The following FADS2 variants were observed in gnomAD, a reference collection of about 807,000 sequenced individuals.
The protein encoded by FADS2 is acyl-CoA 6-desaturase.
Under a neutral mutation model 61.2 loss-of-function variants are expected in FADS2, and 18 were observed. The ratio of observed to expected loss-of-function variants is 0.29; its 90% CI spans 0.20 to 0.44. The LOEUF (loss-of-function observed/expected upper bound fraction) is 0.44. Ranked by LOEUF, FADS2 falls within the 20% of genes least tolerant of loss-of-function variation. The probability of loss-of-function intolerance (pLI) is 1.00; values close to 1 mark genes in which losing one functional copy is unlikely to be tolerated. For synonymous variants in FADS2, 203 were observed against 223.9 expected (o/e 0.91, Z 0.83); for missense variants, 322 against 572.7 (o/e 0.56, Z 4.47).
intron 4 of FADS2, among the ~76,000 whole-genome samples, chr11:61,845,993 G>A (rs762145239): frequency 1.4e-4 from 22 of 152,000 alleles, no homozygotes; most frequent in Non-Finnish European, 2.9e-4. Flanking sequence ...ACGCTTACTT[G>A]TTTCATGCCT....
At chr11:61,838,804 G>A (rs990181710) in intron 2 of FADS2, among the ~76,000 whole-genome samples, 7 of 151,240 alleles carry the variant, frequency 4.6e-5, no homozygotes, top group Non-Finnish European at 8.9e-5. Flanking sequence ...TGCCTCCTTC[G>A]CAAGTGGGTC....
chr11:61,859,745 G>C (rs1358171885), intron 7 of FADS2, among the ~76,000 whole-genome samples: 1 of 131,898 alleles, frequency 7.6e-6, no homozygotes, highest in African/African-American at 3.3e-5. Context: ...CCAGCACTTT[G>C]AGAGGCCGAG....
At chr11:61,829,524 C>T (rs1350974854) in intron 1 of FADS2, among the ~76,000 whole-genome samples, 1 of 152,172 alleles carries the variant, frequency 6.6e-6, no homozygotes, top group Non-Finnish European at 1.5e-5. Flanking sequence ...CTACCCGCAC[C>T]GGGGACCCCA....
chr11:61,861,659 T>TGCCCTCGGCCAATGTTGGCCCC (rs2067417782), intron 7 of FADS2, among the ~76,000 whole-genome samples: 1 of 152,230 alleles, frequency 6.6e-6, no homozygotes, highest in Non-Finnish European at 1.5e-5. Flanking sequence ...CGTGAGGTCC[T>TGCCCTCGGCCAATGTTGGCCCC]GCCCTCGGCC....
chr11:61,825,991 C>T (rs571318433), upstream of FADS2: 10 of 684,246 alleles, frequency 1.5e-5, no homozygotes, highest in African/African-American at 3.5e-5. Context: ...CCCCTCTCCT[C>T]GAGCACTGCC....
Position 61,816,497 on chromosome 11 carries a change from C to T in FADS2, c.141+71C>T, listed in dbSNP as rs1044636402. 4 of 1,600,240 alleles carry T rather than the reference C, an allele frequency of 2.5e-6. No homozygotes were observed. Among genetic ancestry groups the T allele is most frequent in the Admixed American group, 3.4e-5 (2 of 58,900 alleles). On this transcript the variant is annotated intron_variant, in intron 1 of 11. Coordinates refer to the FADS2 transcript ENST00000257261. The surrounding 1 kb of genome is among the most constrained non-coding windows in gnomAD (Gnocchi z 7.0). ...TGGCTCGGAGTGCGTAACTCTGTCT[C>T]CCCTGCACTCAGCCTCCGGTCCCGC...
At chr11:61,823,148 G>A (rs1352832691) in intron 1 of FADS2, among the ~76,000 whole-genome samples, 1 of 152,200 alleles carries the variant, frequency 6.6e-6, no homozygotes, top group Non-Finnish European at 1.5e-5. Context: ...AATACTATGA[G>A]CACTAAAGAT....
At chr11:61,828,129 G>C, upstream of FADS2, 5 of 1,371,420 alleles carry the variant, frequency 3.6e-6, no homozygotes, top group Non-Finnish European at 3.8e-6. The surrounding 1 kb of genome is among the most constrained non-coding windows in gnomAD (Gnocchi z 6.4). Context: ...GTCCATAGCG[G>C]GAGGGCTGAG....
chr11:61,848,446 G>A (rs1297730661), intron 5 of FADS2, among the ~76,000 whole-genome samples, 162 bp downstream of exon 5: 3 of 152,204 alleles, frequency 2.0e-5, no homozygotes, highest in African/African-American at 7.2e-5. Context: ...GACCTAGGAA[G>A]TGTTTGGCCT....
At chr11:61,847,631 T>C (rs2067271327) in intron 4 of FADS2, 1 of 159,564 alleles carries the variant, frequency 6.3e-6, no homozygotes, top group Admixed American at 6.0e-5. Context: ...CACTCATCTG[T>C]TGATGAACAT....
chr11:61,852,330 G>A (rs904924934), intron 5 of FADS2, among the ~76,000 whole-genome samples: 4 of 152,130 alleles, frequency 2.6e-5, no homozygotes, highest in African/African-American at 7.2e-5. Context: ...GCGCAATCTC[G>A]GTTCACTGCA....
intron 4 of FADS2, among the ~76,000 whole-genome samples, chr11:61,841,197 A>G (rs2067214455): frequency 6.6e-6 from 1 of 151,298 alleles, no homozygotes; most frequent in Non-Finnish European, 1.5e-5. Context: ...GATTACAGGC[A>G]CTCGCCACCA....
In FADS2 at chr11:61,865,398, C is replaced by G. The variant is rs536743535; in HGVS notation, c.1283+121C>G. The G allele has an allele frequency of 7.7e-5, 99 of 1,289,922 alleles. No individual in the cohort carries two copies. The highest frequency in any genetic ancestry group is 8.8e-5 in the Non-Finnish European group (83 of 940,812). The allele number at this position is 1,289,922 out of a possible 1,614,324, so 79.9% of individuals were successfully genotyped here. On this transcript the variant is annotated intron_variant, in intron 11 of 11. Transcript: ENST00000278840. This position sits in a 1 kb window ranked among gnomAD's most constrained non-coding sequence, Gnocchi z 4.1. ...CCCACCAGGGCACCTGCCTTACTCC[C>G]GAGCCTGTGTTAGGAGCTGTTGGGC... is the stretch of plus-strand genomic sequence containing the variant.
chr11:61,831,657 C>T (rs1565327424), intron 1 of FADS2, among the ~76,000 whole-genome samples: 1 of 152,182 alleles, frequency 6.6e-6, no homozygotes, highest in Non-Finnish European at 1.5e-5. Flanking sequence ...ACTTACAAAA[C>T]ACATTCATAT....
At chr11:61,816,204 T>G, upstream of FADS2, 1 of 1,549,958 alleles carries the variant, frequency 6.5e-7, no homozygotes, top group Non-Finnish European at 8.7e-7. This position sits in a 1 kb window ranked among gnomAD's most constrained non-coding sequence, Gnocchi z 7.0. Flanking sequence ...GCGGCCTGCA[T>G]CCTTGCTCTC....
At chr11:61,856,853 G>A (rs1312136940) in intron 5 of FADS2, 158 bp from the exon 6 acceptor site, 4 of 679,246 alleles carry the variant, frequency 5.9e-6, no homozygotes, top group African/African-American at 5.3e-5. Context: ...GGCTGGAGGG[G>A]CCCCAGGCTT....
chr11:61,828,804 C>T lies in FADS2; in HGVS notation c.207+207C>T. 3.7e-6 allele frequency: 2 copies of T among 544,774 alleles called. No homozygotes were observed. Among genetic ancestry groups the T allele is most frequent in the Admixed American group, 3.4e-5 (1 of 29,244 alleles). 33.7% of individuals were successfully genotyped at this position (544,774 alleles called of 1,614,324 possible). ...TGGGGTGGAGACCGGATCTGGGACC[C>T]GGGGAGGCGGCGCTGCGGTGAAAGT... is the stretch of plus-strand genomic sequence containing the variant. On this transcript the variant is annotated intron_variant, in intron 1 of 11. Coordinates refer to ENST00000278840, the MANE Select transcript of FADS2 (RefSeq NM_004265.4). The surrounding 1 kb of genome is among the most constrained non-coding windows in gnomAD (Gnocchi z 6.4).
upstream of FADS2, among the ~76,000 whole-genome samples, chr11:61,824,450 G>GA (rs1472242703): frequency 3.9e-4 from 2 of 5,190 alleles, no homozygotes; most frequent in Non-Finnish European, 1.1e-3. Context: ...GAGGGAGGGA[G>GA]GGAGGGAGGG....
chr11:61,835,886 A>T (rs2727271), intron 1 of FADS2, among the ~76,000 whole-genome samples: 19,413 of 152,180 alleles, frequency 0.13, 1,954 homozygotes, highest in East Asian at 0.41. Flanking sequence ...AAGGTCTTCA[A>T]CATTTCCGGA....
Sources: gnomAD v4.1 joint callset for allele counts (sites outside exome capture counted in the v4.1 genomes callset) on GRCh38, gnomAD v4.1.1 for gene constraint, Gnocchi (gnomAD v3.1) non-coding constraint, MANE v1.5 for transcripts, NCBI Gene and HGNC (gene_info 2026-07-23, HGNC 2026-07-21) for gene names.